The following ZDHHC15 variants were observed in gnomAD, a reference collection of about 807,000 sequenced individuals.
ZDHHC15 encodes zDHHC palmitoyltransferase 15.
In ZDHHC15, 19 loss-of-function variants were observed where a neutral mutation model predicts 31.7. That is an observed-to-expected ratio of 0.60 (90% confidence interval 0.42 to 0.88). The LOEUF is 0.88. Ranked by LOEUF, ZDHHC15 falls within the 40% of genes least tolerant of loss-of-function variation. The pLI is 0.00. For synonymous variants in ZDHHC15, 103 were observed against 90.0 expected (o/e 1.14, Z -0.82); for missense variants, 209 against 251.2 (o/e 0.83, Z 1.14).
At chrX:75,488,356 G>C (rs1395980959) in intron 2 of ZDHHC15, among the ~76,000 whole-genome samples, 2 of 111,922 alleles carry the variant, frequency 1.8e-5, no homozygotes, top group Middle Eastern at 4.2e-3. Context: ...AGGGATTGGG[G>C]TCCTATCCTT....
chrX:75,395,359 G>A (rs921194813), intron 10 of ZDHHC15, among the ~76,000 whole-genome samples: 5 of 111,678 alleles, frequency 4.5e-5, no homozygotes, highest in African/African-American at 1.6e-4. Flanking sequence ...CAGTCAAGTT[G>A]CAGAATACAA....
At chrX:75,395,298 G>GA (rs1162302744) in intron 10 of ZDHHC15, among the ~76,000 whole-genome samples, 6 of 110,865 alleles carry the variant, frequency 5.4e-5, no homozygotes, top group Admixed American at 2.9e-4. Flanking sequence ...TCTTATATTT[G>GA]AAAAAACATA....
Position 75,478,864 on chromosome X carries a change from C to G in ZDHHC15, c.258+27G>C, listed in dbSNP as rs770845101. 3 of 1,105,302 alleles carry G rather than the reference C, an allele frequency of 2.7e-6. No individual in the cohort carries two copies. In the East Asian group the frequency reaches 9.1e-5, roughly 33 times the overall value. The allele number at this position is 1,105,302 out of a possible 1,213,427, so 91.1% of individuals were successfully genotyped here. A position where few individuals can be genotyped will look rare whatever the true frequency, so the allele number is the denominator to read the frequency against. On this transcript the variant is annotated intron_variant, in intron 3 of 11. Transcript: ENST00000373367. The stretch of plus-strand genomic sequence containing the variant: ...CACTTCTACTTTTTTCTGTTCTTAT[C>G]CTTTAAGAAGTAACCAATATTCTTA...
chrX:75,491,657 A>G (rs1251862230), intron 2 of ZDHHC15, among the ~76,000 whole-genome samples: 1 of 110,971 alleles, frequency 9.0e-6, no homozygotes, highest in Non-Finnish European at 1.9e-5. Flanking sequence ...AAAGAAAAGA[A>G]TTTTCAACCC....
At chrX:75,453,058 A>T (rs774170690) in intron 3 of ZDHHC15, among the ~76,000 whole-genome samples, 3 of 112,061 alleles carry the variant, frequency 2.7e-5, no homozygotes, top group South Asian at 7.5e-4. Flanking sequence ...GGAGATAGAG[A>T]CACAAAAAAC....
At chrX:75,416,591 C>T (rs532571213) in intron 10 of ZDHHC15, among the ~76,000 whole-genome samples, 1 of 111,842 alleles carries the variant, frequency 8.9e-6, no homozygotes, top group South Asian at 3.7e-4. Flanking sequence ...TTTCCTTTGC[C>T]CCTCTTCCTT....
chrX:75,492,087 A>T (rs1053213601), intron 2 of ZDHHC15, among the ~76,000 whole-genome samples: 1 of 111,365 alleles, frequency 9.0e-6, no homozygotes, highest in African/African-American at 3.3e-5. Context: ...AAATAAAGGG[A>T]TGGAGGAAGA....
chrX:75,434,995 G>T (rs746499354), intron 4 of ZDHHC15, among the ~76,000 whole-genome samples: 1 of 111,828 alleles, frequency 8.9e-6, no homozygotes, highest in South Asian at 3.7e-4. Context: ...ATTTGTTTAC[G>T]TTGTCTATGA....
intron 1 of ZDHHC15, among the ~76,000 whole-genome samples, chrX:75,508,482 C>A (rs778112019): frequency 4.8e-4 from 52 of 108,834 alleles, no homozygotes; most frequent in African/African-American, 1.5e-3. Flanking sequence ...TGAACTCATC[C>A]TTTTTTATGG....
Position 75,424,800 on chromosome X carries a change from T to A in ZDHHC15, c.604-16A>T, listed in dbSNP as rs1569322460. The A allele has an allele frequency of 3.4e-6, 4 of 1,169,865 alleles. No homozygotes were observed. The East Asian group carries it at 1.3e-4, about 37-fold the overall frequency. ...GTAATTCCCCCTAGAAAAGAAATAA[T>A]AAACAAGCAAAAGATTAAAGTGGAA... On this transcript the variant is annotated splice_polypyrimidine_tract_variant and intron_variant, in intron 7 of 11. Coordinates refer to ENST00000373367, the MANE Select transcript of ZDHHC15 (RefSeq NM_144969.3).
chrX:75,444,656 A>G (rs1414913170), intron 4 of ZDHHC15, among the ~76,000 whole-genome samples: 49 of 25,108 alleles, frequency 2.0e-3, no homozygotes, highest in Middle Eastern at 0.02. Context: ...ATATATATAT[A>G]TATATATATA....
chrX:75,461,762 C>T (rs1432345670), intron 3 of ZDHHC15, among the ~76,000 whole-genome samples: 1 of 112,080 alleles, frequency 8.9e-6, no homozygotes, highest in Non-Finnish European at 1.9e-5. Context: ...GCCTGCCTTG[C>T]AAGACCTCCT....
At chrX:75,409,484 C>T (rs1462801736) in intron 10 of ZDHHC15, among the ~76,000 whole-genome samples, 5 of 24,889 alleles carry the variant, frequency 2.0e-4, no homozygotes, top group African/African-American at 6.7e-4. Flanking sequence ...GAAGTCCCTG[C>T]CAAAAAAAAA....
intron 2 of ZDHHC15, among the ~76,000 whole-genome samples, chrX:75,500,477 C>G (rs965427987): frequency 2.8e-5 from 3 of 108,828 alleles, no homozygotes; most frequent in African/African-American, 9.9e-5. Flanking sequence ...ATATACATAC[C>G]TATACTTATA....
At chrX:75,438,646 C>T (rs1227735415) in intron 4 of ZDHHC15, among the ~76,000 whole-genome samples, 1 of 111,260 alleles carries the variant, frequency 9.0e-6, no homozygotes, top group Non-Finnish European at 1.9e-5. Flanking sequence ...GGATTTAGGC[C>T]GTTTACATTC....
intron 1 of ZDHHC15, among the ~76,000 whole-genome samples, chrX:75,516,241 G>T (rs1490737394): frequency 1.8e-5 from 2 of 111,781 alleles, no homozygotes; most frequent in Non-Finnish European, 1.9e-5. Context: ...CTACTTTAAA[G>T]TTCATGTGGA....
intron 2 of ZDHHC15, 44 bp downstream of exon 2, chrX:75,505,777 A>T (rs1256536188): frequency 8.3e-7 from 1 of 1,198,370 alleles, no homozygotes; most frequent in African/African-American, 1.8e-5. Flanking sequence ...TAGATGAAAA[A>T]AAGGACACGG....
In ZDHHC15 at chrX:75,369,696, G is replaced by A. The variant is rs1339581139; in HGVS notation, c.*3282C>T. Reference sequence around the variant, plus strand: ...TCACATGGGGCTAGTAGGGGAAAGAGGCACATATTGCATTCTTATCACATA... The same window carrying A: ...TCACATGGGGCTAGTAGGGGAAAGAAGCACATATTGCATTCTTATCACATA... On this transcript the variant is annotated 3_prime_UTR_variant, in exon 12 of 12. Transcript: ENST00000373367. 9.0e-6 allele frequency: 1 copy of A among 111,622 alleles called. No homozygotes were observed. Among genetic ancestry groups the A allele is most frequent in the Non-Finnish European group, 1.9e-5 (1 of 53,179 alleles). The allele number at this position is 111,622 out of a possible 1,213,427, so 9.2% of individuals were successfully genotyped here.
At chrX:75,444,687 T>TATACACAC (rs2084007375) in intron 4 of ZDHHC15, among the ~76,000 whole-genome samples, 7 of 29,499 alleles carry the variant, frequency 2.4e-4, no homozygotes, top group African/African-American at 1.1e-3. Context: ...TATATATATA[T>TATACACAC]ACACACACAC....
Sources: gnomAD v4.1 joint callset for allele counts (sites outside exome capture counted in the v4.1 genomes callset) on GRCh38, gnomAD v4.1.1 for gene constraint, MANE v1.5 for transcripts, NCBI Gene and HGNC (gene_info 2026-07-23, HGNC 2026-07-21) for gene names.